Variants in SLC35D4 observed in about 807,000 individuals in gnomAD.
The protein encoded by SLC35D4 is UDP-N-acetylglucosamine transporter SLC35D4.
chr18:23,313,020 G>A, the SLC35D4 span, among the ~76,000 whole-genome samples: 1 of 150,444 alleles, frequency 6.6e-6, no homozygotes, highest in Non-Finnish European at 1.5e-5. Context: ...CCAGCTACTA[G>A]GGAGGCTGAG....
At chr18:23,362,066 G>A in the SLC35D4 span, among the ~76,000 whole-genome samples, 1 of 152,112 alleles carries the variant, frequency 6.6e-6, no homozygotes, top group Admixed American at 6.5e-5. Context: ...ATATACTTCT[G>A]ACCACTTTGT....
chr18:23,330,623 G>A, the SLC35D4 span, among the ~76,000 whole-genome samples: 10 of 152,210 alleles, frequency 6.6e-5, no homozygotes, highest in Middle Eastern at 3.4e-3. Context: ...TCAGCTCTCC[G>A]GATGGTTGGG....
chr18:23,251,408 G>C, the SLC35D4 span, among the ~76,000 whole-genome samples: 2 of 151,926 alleles, frequency 1.3e-5, no homozygotes, highest in African/African-American at 4.8e-5. Context: ...CCGAGATTGC[G>C]CCACTGTACT....
the SLC35D4 span, among the ~76,000 whole-genome samples, chr18:23,372,511 C>T: frequency 2.0e-5 from 3 of 152,220 alleles, no homozygotes; most frequent in Admixed American, 1.3e-4. Flanking sequence ...TATTTGTTAG[C>T]TGGTGACCTT....
the SLC35D4 span, chr18:23,370,325 C>T: frequency 1.1e-5 from 17 of 1,542,274 alleles, no homozygotes; most frequent in Middle Eastern, 1.7e-4. Flanking sequence ...CTGGCCTGTC[C>T]GGGGACACAC....
chr18:23,363,364 ATT>A, the SLC35D4 span, among the ~76,000 whole-genome samples: 311 of 90,450 alleles, frequency 3.4e-3, 2 homozygotes, highest in African/African-American at 0.015. Flanking sequence ...ACAAAAGCAC[ATT>A]TTTTTTTTTT....
the SLC35D4 span, among the ~76,000 whole-genome samples, chr18:23,330,648 A>G: frequency 6.6e-6 from 1 of 152,126 alleles, no homozygotes; most frequent in African/African-American, 2.4e-5. Context: ...AGGTGTCCCT[A>G]AGGTGCACCC....
chr18:23,371,086 C>CCT, the SLC35D4 span, among the ~76,000 whole-genome samples: 8 of 143,074 alleles, frequency 5.6e-5, no homozygotes, highest in South Asian at 2.3e-4. Flanking sequence ...TCCCTCTCTC[C>CCT]CTCTCTCTCT....
At chr18:23,326,703 T>C in the SLC35D4 span, among the ~76,000 whole-genome samples, 1 of 152,298 alleles carries the variant, frequency 6.6e-6, no homozygotes, top group South Asian at 2.1e-4. Context: ...CAAGCAGACC[T>C]AATAGACATC....
the SLC35D4 span, among the ~76,000 whole-genome samples, chr18:23,281,413 C>T: frequency 6.6e-6 from 1 of 152,170 alleles, no homozygotes; most frequent in African/African-American, 2.4e-5. Context: ...GCCTTGACCT[C>T]CTGGACTTGA....
the SLC35D4 span, among the ~76,000 whole-genome samples, chr18:23,389,696 G>A: frequency 1.3e-5 from 2 of 152,072 alleles, no homozygotes; most frequent in African/African-American, 2.4e-5. Context: ...ACACCACCAC[G>A]CCCAGCTAAT....
the SLC35D4 span, among the ~76,000 whole-genome samples, chr18:23,394,968 A>C: frequency 7.2e-6 from 1 of 138,332 alleles, no homozygotes; most frequent in East Asian, 2.4e-4. Flanking sequence ...GGGCAACAAA[A>C]GCGAAACTCC....
chr18:23,339,842 G>A, the SLC35D4 span, among the ~76,000 whole-genome samples: 3 of 152,196 alleles, frequency 2.0e-5, no homozygotes, highest in East Asian at 3.8e-4. Flanking sequence ...TGCCCTTCAT[G>A]AGGGCTCTGC....
At chr18:23,303,604 T>C in the SLC35D4 span, among the ~76,000 whole-genome samples, 1 of 152,208 alleles carries the variant, frequency 6.6e-6, no homozygotes, top group East Asian at 1.9e-4. Flanking sequence ...AGAAAGATAT[T>C]GTCAAGAATT....
At chr18:23,352,770 T>C in the SLC35D4 span, among the ~76,000 whole-genome samples, 4 of 152,222 alleles carry the variant, frequency 2.6e-5, no homozygotes, top group Admixed American at 6.5e-5. Flanking sequence ...GTGACACATA[T>C]GGCTGAGGCC....
the SLC35D4 span, among the ~76,000 whole-genome samples, chr18:23,357,000 A>G: frequency 6.6e-6 from 1 of 152,210 alleles, no homozygotes; most frequent in African/African-American, 2.4e-5. This position sits in a 1 kb window ranked among gnomAD's most constrained non-coding sequence, Gnocchi z 4.1. Flanking sequence ...GTTAAGAAAC[A>G]TGGCTAAGAT....
the SLC35D4 span, among the ~76,000 whole-genome samples, chr18:23,403,185 A>G: frequency 6.6e-6 from 1 of 152,350 alleles, no homozygotes; most frequent in East Asian, 1.9e-4. Context: ...TGACAGAGTC[A>G]GAAAAGGGAG....
At chr18:23,420,381 G>A in the SLC35D4 span, among the ~76,000 whole-genome samples, 1 of 151,992 alleles carries the variant, frequency 6.6e-6, no homozygotes, top group Non-Finnish European at 1.5e-5. Flanking sequence ...TCTATAGGTA[G>A]GAATTTTTTT....
chr18:23,342,798 T>C, the SLC35D4 span, among the ~76,000 whole-genome samples: 2 of 152,264 alleles, frequency 1.3e-5, no homozygotes, highest in African/African-American at 4.8e-5. Flanking sequence ...GGTTTCAATT[T>C]GCATTTCTCT....
Sources: gnomAD v4.1 joint callset for allele counts (sites outside exome capture counted in the v4.1 genomes callset) on GRCh38, gnomAD v4.1.1 for gene constraint, Gnocchi (gnomAD v3.1) non-coding constraint, MANE v1.5 for transcripts, NCBI Gene and HGNC (gene_info 2026-07-23, HGNC 2026-07-21) for gene names.